Variants in NFIA observed in about 807,000 individuals in gnomAD.
NFIA encodes nuclear factor I A.
In NFIA, 8 loss-of-function variants were observed where a neutral mutation model predicts 62.8. The ratio of observed to expected loss-of-function variants is 0.13; its 90% CI spans 0.07 to 0.23. The LOEUF (loss-of-function observed/expected upper bound fraction) is 0.23. Among genes scored for constraint, NFIA ranks in the 10% least tolerant of loss-of-function variants. The probability of loss-of-function intolerance (pLI) is 1.00; values close to 1 mark genes in which losing one functional copy is unlikely to be tolerated. For missense variants in NFIA, 410 were observed against 642.1 expected, an observed-to-expected ratio of 0.64 and a Z score of 3.91; for synonymous variants, 235 against 238.1, an observed-to-expected ratio of 0.99 and a Z score of 0.12.
chr1:61,126,343 A>T (rs1646966431), intron 2 of NFIA, among the ~76,000 whole-genome samples: 1 of 151,924 alleles, frequency 6.6e-6, no homozygotes, highest in African/African-American at 2.4e-5. Flanking sequence ...CACAGAGCTG[A>T]TGCAATTCTC....
At chr1:61,265,698 A>G (rs1281335875) in intron 2 of NFIA, among the ~76,000 whole-genome samples, 1 of 152,234 alleles carries the variant, frequency 6.6e-6, no homozygotes, top group Admixed American at 6.5e-5. Context: ...ATTATCCTAA[A>G]TTCTAGGATC....
chr1:61,367,503 A>G (rs751884174), intron 6 of NFIA, among the ~76,000 whole-genome samples: 7 of 152,300 alleles, frequency 4.6e-5, no homozygotes, highest in Non-Finnish European at 7.4e-5. Context: ...ATCCTCTTCT[A>G]TGATCTCATA....
At chr1:61,445,983 C>T (rs181216172) in intron 10 of NFIA, among the ~76,000 whole-genome samples, 1 of 151,980 alleles carries the variant, frequency 6.6e-6, no homozygotes, top group Non-Finnish European at 1.5e-5. Flanking sequence ...AAGATAGGAA[C>T]AGTTTTACCT....
chr1:61,097,666 C>T (rs1227599037), intron 2 of NFIA, among the ~76,000 whole-genome samples: 1 of 152,160 alleles, frequency 6.6e-6, no homozygotes, highest in Non-Finnish European at 1.5e-5. Context: ...AGACATGTCA[C>T]TTAATATCAG....
intron 2 of NFIA, among the ~76,000 whole-genome samples, chr1:61,096,313 A>G (rs1646411887): frequency 6.6e-6 from 1 of 151,742 alleles, no homozygotes; most frequent in Non-Finnish European, 1.5e-5. Flanking sequence ...TCCCTGGTTC[A>G]AGCGATTCTC....
chr1:61,080,686 ACT>A (rs1176941035), upstream of NFIA, among the ~76,000 whole-genome samples: 2 of 152,046 alleles, frequency 1.3e-5, no homozygotes, highest in African/African-American at 2.4e-5. Context: ...GGGAAAATGG[ACT>A]CTCTCATTAA....
At chr1:61,191,117 T>C (rs1297919167) in intron 2 of NFIA, among the ~76,000 whole-genome samples, 2 of 152,136 alleles carry the variant, frequency 1.3e-5, no homozygotes, top group African/African-American at 2.4e-5. Context: ...TAGCTCAATG[T>C]TACAATGCTT....
chr1:61,375,545 C>A (rs1361744794), intron 6 of NFIA, among the ~76,000 whole-genome samples: 1 of 152,174 alleles, frequency 6.6e-6, no homozygotes, highest in Non-Finnish European at 1.5e-5. Context: ...CCCCCGCGCC[C>A]TCACCCAGAA....
At chr1:61,228,233 A>G (rs1486158145) in intron 2 of NFIA, among the ~76,000 whole-genome samples, 2 of 152,166 alleles carry the variant, frequency 1.3e-5, no homozygotes, top group African/African-American at 4.8e-5. Flanking sequence ...GTGTTTTGAG[A>G]GTCCATTTTT....
chr1:61,231,209 T>C (rs892223828), intron 2 of NFIA, among the ~76,000 whole-genome samples: 1 of 152,188 alleles, frequency 6.6e-6, no homozygotes, highest in Admixed American at 6.5e-5. Context: ...CACAGCTGTT[T>C]TCTGGGACAG....
chr1:61,401,386 A>G (rs981759322), intron 7 of NFIA, among the ~76,000 whole-genome samples: 2 of 152,234 alleles, frequency 1.3e-5, no homozygotes, highest in Non-Finnish European at 2.9e-5. Flanking sequence ...TAAAAAACGA[A>G]GGTCTAAATT....
At chr1:61,424,533 CA>C (rs1301355889) in intron 9 of NFIA, among the ~76,000 whole-genome samples, 4 of 152,152 alleles carry the variant, frequency 2.6e-5, no homozygotes, top group Non-Finnish European at 4.4e-5. Context: ...ATCAATCACT[CA>C]TAGACTTCAT....
chr1:61,234,367 CAAAAA>C (rs34304036), intron 2 of NFIA, among the ~76,000 whole-genome samples: 1 of 73,316 alleles, frequency 1.4e-5, no homozygotes, highest in Non-Finnish European at 2.6e-5. Flanking sequence ...AACGCCATCT[CAAAAA>C]AAAAAAAAAA....
intron 2 of NFIA, among the ~76,000 whole-genome samples, chr1:61,107,033 AT>A (rs1646615329): frequency 6.6e-6 from 1 of 151,562 alleles, no homozygotes; most frequent in South Asian, 2.1e-4. Flanking sequence ...ATAATGTCAT[AT>A]ATACTGTAAT....
At chr1:61,364,608 A>T (rs1663484201) in intron 6 of NFIA, among the ~76,000 whole-genome samples, 1 of 151,606 alleles carries the variant, frequency 6.6e-6, no homozygotes, top group Non-Finnish European at 1.5e-5. Flanking sequence ...TATTACAAGT[A>T]TCCCTCACCT....
intron 10 of NFIA, among the ~76,000 whole-genome samples, chr1:61,437,250 T>C (rs531857162): frequency 2.0e-5 from 3 of 152,246 alleles, no homozygotes; most frequent in African/African-American, 4.8e-5. Context: ...CTTCCTTCCA[T>C]TGGTCCCTGG....
At chr1:61,257,825 T>A (rs1656509378) in intron 2 of NFIA, among the ~76,000 whole-genome samples, 1 of 151,146 alleles carries the variant, frequency 6.6e-6, no homozygotes, top group Non-Finnish European at 1.5e-5. Context: ...TCCTCTCATC[T>A]CAGCCTCCTG....
chr1:61,242,818 G>A (rs554850604), intron 2 of NFIA, among the ~76,000 whole-genome samples: 80 of 152,128 alleles, frequency 5.3e-4, no homozygotes, highest in Middle Eastern at 3.4e-3. Context: ...AGGTACTGGC[G>A]TTTTGTTTTT....
chr1:61,146,937 T>A (rs775925272), intron 2 of NFIA, among the ~76,000 whole-genome samples: 2 of 152,216 alleles, frequency 1.3e-5, no homozygotes, highest in South Asian at 2.1e-4. Context: ...CAGGAAGGAC[T>A]GGTATCACAT....
Sources: allele counts gnomAD v4.1 joint callset (sites outside exome capture counted in the v4.1 genomes callset), GRCh38; gene constraint gnomAD v4.1.1; transcripts MANE v1.5; gene names NCBI Gene and HGNC (gene_info 2026-07-23, HGNC 2026-07-21).